DIAPH2: variants seen among roughly 807,000 people sequenced by gnomAD.
DIAPH2 encodes protein diaphanous homolog 2.
DIAPH2 carries 35 observed loss-of-function variants against 92.7 expected under a neutral mutation model. The observed-to-expected ratio is 0.38, with a 90% CI of 0.29 to 0.50. The LOEUF is 0.50. Ranked by LOEUF, DIAPH2 falls within the 20% of genes least tolerant of loss-of-function variation. The pLI is 0.94. For synonymous variants in DIAPH2, 301 were observed against 280.4 expected (o/e 1.07, Z -0.73); for missense variants, 701 against 819.5 (o/e 0.86, Z 1.77).
chrX:97,187,568 G>A (rs768084825), intron 22 of DIAPH2, among the ~76,000 whole-genome samples: 12 of 110,123 alleles, frequency 1.1e-4, no homozygotes, highest in Non-Finnish European at 2.1e-4. Context: ...GAGCCACCAT[G>A]CCTGGCCTAA....
chrX:96,758,217 C>G lies in DIAPH2; in HGVS notation c.406C>G (p.Arg136Gly). 8.3e-7 allele frequency: 1 copy of G among 1,204,991 alleles called. No individual in the cohort carries two copies. Among genetic ancestry groups the G allele is most frequent in the Non-Finnish European group, 1.1e-6 (1 of 893,013 alleles). ...PLRNKDFTTK[R>G]EMVVQYISAT... ...ACGAAACAAAGACTTTACCACCAAA[C>G]GTGAGATGGTTGTCCAGTATATTTC... The change falls in exon 4 of 27, where the codon CGT (arginine) becomes GGT (glycine). Residue 136 changes from arginine to glycine, a missense_variant. Around this residue, in one of 3 missense-constraint regions of DIAPH2, gnomAD observed 131 missense variants for 145.6 expected, o/e 0.90. Coordinates refer to ENST00000324765, the MANE Select transcript of DIAPH2 (RefSeq NM_006729.5).
intron 26 of DIAPH2, among the ~76,000 whole-genome samples, chrX:97,557,242 A>G (rs2071263530): frequency 5.4e-5 from 6 of 111,987 alleles, no homozygotes; most frequent in Admixed American, 3.8e-4. Context: ...TTCATCTCAA[A>G]GAATTGGGGC....
intron 4 of DIAPH2, among the ~76,000 whole-genome samples, chrX:96,871,861 G>A (rs2065145638): frequency 8.9e-6 from 1 of 112,006 alleles, no homozygotes; most frequent in Non-Finnish European, 1.9e-5. Context: ...CGGGTGAGTG[G>A]TTAAATAAGC....
In DIAPH2 at chrX:97,602,568, T is replaced by C. The variant is rs775947533; in HGVS notation, c.*3251T>C. The C allele has an allele frequency of 4.4e-5, 5 of 112,518 alleles. No individual in the cohort carries two copies. The highest frequency in any genetic ancestry group is 3.7e-4 in the South Asian group (1 of 2,692). 9.3% of individuals were successfully genotyped at this position (112,518 alleles called of 1,213,427 possible). On this transcript the variant is annotated 3_prime_UTR_variant, in exon 27 of 27. Coordinates refer to ENST00000324765, the MANE Select transcript of DIAPH2 (RefSeq NM_006729.5). ...AAAATCTAGCCAGGCAAATTTCTGTTATATTTCAAGGCCTGGCAGTAATCC... is the reference window on the plus strand; with the variant it reads ...AAAATCTAGCCAGGCAAATTTCTGTCATATTTCAAGGCCTGGCAGTAATCC...
intron 26 of DIAPH2, among the ~76,000 whole-genome samples, chrX:97,583,402 C>G (rs1216680044): frequency 9.1e-6 from 1 of 109,813 alleles, no homozygotes; most frequent in African/African-American, 3.3e-5. Context: ...AGACAGGACC[C>G]TCAGCTGCAG....
chrX:97,106,986 G>A (rs1167868804), intron 20 of DIAPH2, among the ~76,000 whole-genome samples: 1 of 111,620 alleles, frequency 9.0e-6, no homozygotes. Flanking sequence ...TTTCAGAAAG[G>A]TGTTTTAAAA....
intron 26 of DIAPH2, among the ~76,000 whole-genome samples, chrX:97,530,549 C>A (rs1303958117): frequency 9.0e-6 from 1 of 111,112 alleles, no homozygotes; most frequent in Non-Finnish European, 1.9e-5. Context: ...TAGAGAGAAC[C>A]CTCTCTGGAG....
At chrX:97,124,553 T>C (rs765014353) in intron 21 of DIAPH2, among the ~76,000 whole-genome samples, 15 of 112,391 alleles carry the variant, frequency 1.3e-4, no homozygotes, top group Non-Finnish European at 1.9e-4. Flanking sequence ...TAGAGAACAA[T>C]AGTTTGTAAA....
chrX:96,782,576 G>A (rs1459562411), intron 4 of DIAPH2, among the ~76,000 whole-genome samples: 2 of 111,469 alleles, frequency 1.8e-5, no homozygotes, highest in African/African-American at 3.3e-5. Flanking sequence ...TGGGATTACA[G>A]GCGTGAGCCA....
chrX:96,835,563 A>AG (rs2064880823), intron 4 of DIAPH2, among the ~76,000 whole-genome samples: 2 of 112,213 alleles, frequency 1.8e-5, no homozygotes, highest in South Asian at 3.7e-4. Context: ...CCAAATCGGA[A>AG]GGAGGAGCTT....
At chrX:96,919,478 T>G (rs1436805896) in intron 9 of DIAPH2, among the ~76,000 whole-genome samples, 1 of 111,356 alleles carries the variant, frequency 9.0e-6, no homozygotes, top group Non-Finnish European at 1.9e-5. Context: ...CCATGGAAAA[T>G]TCTCTGAATT....
chrX:97,278,080 G>A (rs1471133740), intron 23 of DIAPH2, among the ~76,000 whole-genome samples: 3 of 112,077 alleles, frequency 2.7e-5, no homozygotes, highest in African/African-American at 6.5e-5. Context: ...TCTTGACCTC[G>A]TGATCCGCGT....
At chrX:97,559,698 C>T (rs985045456) in intron 26 of DIAPH2, among the ~76,000 whole-genome samples, 7 of 111,512 alleles carry the variant, frequency 6.3e-5, no homozygotes, top group Non-Finnish European at 1.3e-4. Context: ...TTAAAATGAT[C>T]AAAAACAAAG....
Position 97,599,381 on chromosome X carries a change from C to CA in DIAPH2, c.*67dup. On this transcript the variant is annotated 3_prime_UTR_variant, in exon 27 of 27. Coordinates refer to ENST00000324765, the MANE Select transcript of DIAPH2 (RefSeq NM_006729.5). ...ACAAAATGATGCATTTTGAGAAGAA[C>CA]AAAGTGTGCACTCAGCGGCTGGAAA... The CA allele has an allele frequency of 1.2e-6, 1 of 808,322 alleles. No homozygotes were observed. 66.6% of individuals were successfully genotyped at this position (808,322 alleles called of 1,213,427 possible).
chrX:97,019,737 G>C lies in DIAPH2; in HGVS notation c.2051-53204G>C, dbSNP rs769807652. ...AGATTTTGCCTCTGAATATGTAATA[G>C]GCATTAATAGATTTTCACTTGGATT... On this transcript the variant is annotated intron_variant, in intron 17 of 26. Coordinates refer to ENST00000324765, the MANE Select transcript of DIAPH2 (RefSeq NM_006729.5). Among the ~76,000 whole-genome samples the C allele has an allele frequency of 1.8e-3, 194 of 106,143 alleles. 1 individual carries two copies. Among genetic ancestry groups the C allele is most frequent in the Non-Finnish European group, 3.0e-3 (155 of 51,164 alleles). The allele number at this position is 106,143 out of a possible 115,157, so 92.2% of individuals were successfully genotyped here.
intron 5 of DIAPH2, among the ~76,000 whole-genome samples, chrX:96,894,002 G>C (rs1051576483): frequency 2.7e-5 from 3 of 112,192 alleles, no homozygotes; most frequent in Non-Finnish European, 5.6e-5. Context: ...GGAATCTTCT[G>C]TTAAGATGGA....
intron 4 of DIAPH2, among the ~76,000 whole-genome samples, chrX:96,826,278 G>A (rs936000813): frequency 9.1e-6 from 1 of 110,148 alleles, no homozygotes; most frequent in Non-Finnish European, 1.9e-5. Context: ...TTAGCCAGGC[G>A]TGGTGGTGCA....
chrX:96,782,130 C>T (rs1469346137), intron 4 of DIAPH2, among the ~76,000 whole-genome samples: 2 of 111,647 alleles, frequency 1.8e-5, no homozygotes, highest in Non-Finnish European at 3.8e-5. Context: ...GACAATGTCT[C>T]ACTATGTCAC....
intron 26 of DIAPH2, among the ~76,000 whole-genome samples, chrX:97,552,373 A>G (rs924081954): frequency 1.8e-5 from 2 of 111,911 alleles, no homozygotes; most frequent in Non-Finnish European, 3.8e-5. Flanking sequence ...TGAATAAGTA[A>G]GTAATACAGC....
Sources: gnomAD v4.1 joint callset for allele counts (sites outside exome capture counted in the v4.1 genomes callset) on GRCh38, gnomAD v4.1.1 for gene constraint, gnomAD v4.1.1 regional missense constraint, MANE v1.5 for transcripts, NCBI Gene and HGNC (gene_info 2026-07-23, HGNC 2026-07-21) for gene names.